Variants in VPS13D observed in about 807,000 individuals in gnomAD.
VPS13D encodes the protein vacuolar protein sorting 13 homolog D.
A neutral mutation model predicts 461.9 loss-of-function variants in VPS13D; 187 were observed. The observed-to-expected ratio is 0.40, with a 90% CI of 0.36 to 0.46. The LOEUF is 0.46. VPS13D is among the 20% of genes least tolerant of loss of function. VPS13D has a pLI of 0.60. For synonymous variants in VPS13D, 1,951 were observed against 1,986.3 expected, an observed-to-expected ratio of 0.98 and a Z score of 0.47; for missense variants, 4,711 against 5,364.9, an observed-to-expected ratio of 0.88 and a Z score of 3.81.
intron 23 of VPS13D, among the ~76,000 whole-genome samples, chr1:12,293,272 C>A (rs1642184236): frequency 6.6e-6 from 1 of 152,232 alleles, no homozygotes. Context: ...GTCAGAGCCT[C>A]AGGTGGCCTC....
intron 20 of VPS13D, among the ~76,000 whole-genome samples, chr1:12,281,861 C>T (rs2101379776): frequency 6.6e-6 from 1 of 151,824 alleles, no homozygotes; most frequent in East Asian, 1.9e-4. Flanking sequence ...AAAAATTGCC[C>T]TTCATTAAAT....
rs1426995454 is a variant in VPS13D, at chr1:12,279,521, C to A, written c.4473C>A (p.Thr1491=). 1.9e-6 allele frequency: 3 copies of A among 1,604,602 alleles called. No homozygotes were observed. Among genetic ancestry groups the A allele is most frequent in the South Asian group, 2.2e-5 (2 of 89,648 alleles). ...RGQAFHILNN[T]TIQFKLEKIP... is the part of the protein sequence containing the mutation. The stretch of plus-strand genomic sequence containing the variant: ...CAGCTTTTCACATCCTGAACAACAC[C>A]ACCATTCAGTTTAAACTGGAGAAGA... Residue 1491 remains threonine, a synonymous_variant, in exon 20 of 70, where the codon ACC becomes ACA. Transcript: ENST00000620676. The surrounding 1 kb of genome is among the most constrained non-coding windows in gnomAD (Gnocchi z 4.3).
At chr1:12,351,148 C>T (rs1352158891) in intron 46 of VPS13D, among the ~76,000 whole-genome samples, 1 of 152,156 alleles carries the variant, frequency 6.6e-6, no homozygotes, top group African/African-American at 2.4e-5. Context: ...CAAGATCTCT[C>T]AGAAAATAGA....
chr1:12,255,397 A>G (rs1016040154), intron 7 of VPS13D, among the ~76,000 whole-genome samples: 1 of 152,234 alleles, frequency 6.6e-6, no homozygotes, highest in Non-Finnish European at 1.5e-5. Context: ...AAAACAGCAT[A>G]TATAGCATTT....
At chr1:12,288,362 A>G in intron 22 of VPS13D, 49 bp downstream of exon 22, 2 of 1,499,044 alleles carry the variant, frequency 1.3e-6, no homozygotes, top group Non-Finnish European at 1.9e-6. Context: ...TCTGGTCAGC[A>G]TTTGAACATT....
At chr1:12,406,581 A>G (rs551196205) in intron 63 of VPS13D, among the ~76,000 whole-genome samples, 1 of 152,322 alleles carries the variant, frequency 6.6e-6, no homozygotes, top group African/African-American at 2.4e-5. Context: ...GACTGAAAGC[A>G]GTTTCACATC....
intron 13 of VPS13D, among the ~76,000 whole-genome samples, chr1:12,265,865 A>G (rs1377581610): frequency 6.6e-6 from 1 of 152,218 alleles, no homozygotes; most frequent in Non-Finnish European, 1.5e-5. Context: ...CACTGTTGAA[A>G]TGACAACCCA....
intron 27 of VPS13D, 144 bp from the exon 28 acceptor site, chr1:12,311,310 A>G (rs1351508547): frequency 6.2e-6 from 4 of 640,354 alleles, no homozygotes; most frequent in Non-Finnish European, 1.0e-5. Context: ...ATTTGGAGCT[A>G]CATGAAATTT....
intron 55 of VPS13D, among the ~76,000 whole-genome samples, chr1:12,378,016 G>A (rs757431956): frequency 1.3e-5 from 2 of 152,046 alleles, no homozygotes; most frequent in Non-Finnish European, 2.9e-5. Context: ...TGAGCATATC[G>A]TATAGTCTTT....
chr1:12,333,504 C>T, intron 38 of VPS13D, 138 bp downstream of exon 38: 2 of 1,053,884 alleles, frequency 1.9e-6, no homozygotes, highest in Non-Finnish European at 2.7e-6. Context: ...CTTTCCTGAT[C>T]AACCCTAATA....
At chr1:12,438,239 T>C (rs764417894) in intron 65 of VPS13D, among the ~76,000 whole-genome samples, 23 of 152,158 alleles carry the variant, frequency 1.5e-4, no homozygotes, top group East Asian at 5.8e-4. Flanking sequence ...CAAGAGGTCA[T>C]TGGGGGTGAT....
chr1:12,235,857 C>A (rs1640131632), intron 2 of VPS13D, among the ~76,000 whole-genome samples: 1 of 152,212 alleles, frequency 6.6e-6, no homozygotes, highest in Non-Finnish European at 1.5e-5. Flanking sequence ...GTGAAGCTAA[C>A]TACGTTGTAT....
intron 63 of VPS13D, among the ~76,000 whole-genome samples, chr1:12,413,714 C>A (rs1034124255): frequency 6.6e-6 from 1 of 152,086 alleles, no homozygotes; most frequent in Admixed American, 6.5e-5. Context: ...TCAAGCGATC[C>A]TCCCACCTCA....
chr1:12,265,232 A>G (rs969367978), intron 13 of VPS13D, among the ~76,000 whole-genome samples: 1 of 152,180 alleles, frequency 6.6e-6, no homozygotes, highest in Non-Finnish European at 1.5e-5. Flanking sequence ...CATGCCTGCT[A>G]ACACAACATC....
At chr1:12,497,725 A>G (rs1308968296) in intron 68 of VPS13D, 94 bp downstream of exon 68, 2 of 1,445,510 alleles carry the variant, frequency 1.4e-6, no homozygotes, top group Admixed American at 4.5e-5. Flanking sequence ...AGTTATTTTC[A>G]TGACTCTTGG....
chr1:12,328,712 G>A (rs1643255432), intron 36 of VPS13D, among the ~76,000 whole-genome samples: 1 of 151,994 alleles, frequency 6.6e-6, no homozygotes, highest in Non-Finnish European at 1.5e-5. Context: ...GGCTAATTTT[G>A]TATTTTTAGT....
chr1:12,268,050 C>T (rs1038952901), intron 15 of VPS13D, 130 bp downstream of exon 15: 18 of 659,846 alleles, frequency 2.7e-5, no homozygotes, highest in Admixed American at 1.5e-4. Context: ...CAACCTCTGC[C>T]TCCCGGGTTC....
chr1:12,348,984 ATTG>A lies in VPS13D; in HGVS notation c.9220+13_9220+15del. 1.2e-6 allele frequency: 2 copies of A among 1,614,088 alleles called. No homozygotes were observed. The highest frequency in any genetic ancestry group is 1.7e-6 in the Non-Finnish European group (2 of 1,180,004). ...CATCAGCTCCAGACAGTATGTTTTG[ATTG>A]TCTAGCATATAGTAAATGCTGATAA... On this transcript the variant is annotated intron_variant, in intron 45 of 69. Coordinates refer to ENST00000620676, the MANE Select transcript of VPS13D (RefSeq NM_015378.4).
chr1:12,445,457 G>A (rs886875490), intron 65 of VPS13D, among the ~76,000 whole-genome samples: 4 of 152,176 alleles, frequency 2.6e-5, no homozygotes, highest in Non-Finnish European at 5.9e-5. Flanking sequence ...ACCTGGAGAT[G>A]ACTAATTCAG....
Sources: allele counts gnomAD v4.1 joint callset (sites outside exome capture counted in the v4.1 genomes callset), GRCh38; gene constraint gnomAD v4.1.1; non-coding constraint Gnocchi (gnomAD v3.1); transcripts MANE v1.5; gene names NCBI Gene and HGNC (gene_info 2026-07-23, HGNC 2026-07-21).